Variants in CHST9 observed in about 807,000 individuals in gnomAD.
The protein encoded by CHST9 is carbohydrate sulfotransferase 9.
Under a neutral mutation model 44.4 loss-of-function variants are expected in CHST9, and 41 were observed. The observed-to-expected ratio is 0.92, with a 90% CI of 0.72 to 1.20. The LOEUF is 1.20. Ranked by LOEUF, CHST9 falls within the 50% of genes most tolerant of loss-of-function variation. CHST9 has a pLI of 0.00. For synonymous variants in CHST9, 171 were observed against 178.4 expected, an observed-to-expected ratio of 0.96 and a Z score of 0.33; for missense variants, 504 against 516.5, an observed-to-expected ratio of 0.98 and a Z score of 0.23.
In CHST9 at chr18:26,906,506, A is replaced by G. The variant is rs1158285868; in HGVS notation, c.*9753T>C. The stretch of plus-strand genomic sequence containing the variant: ...TGAGATAAATCAATGGTTTTATTTT[A>G]TTGAGCACTTATTAAATACTTTACA... On this transcript the variant is annotated 3_prime_UTR_variant, in exon 6 of 6. Coordinates refer to ENST00000618847, the MANE Select transcript of CHST9 (RefSeq NM_031422.6). The G allele has an allele frequency of 1.3e-5, 2 of 152,230 alleles. No individual in the cohort carries two copies. The highest frequency in any genetic ancestry group is 2.9e-5 in the Non-Finnish European group (2 of 68,030). The allele number at this position is 152,230 out of a possible 1,614,324, so 9.4% of individuals were successfully genotyped here.
intron 2 of CHST9, among the ~76,000 whole-genome samples, chr18:27,054,829 T>C (rs73404807): frequency 0.061 from 9,300 of 152,172 alleles, 423 homozygotes; most frequent in African/African-American, 0.13. Context: ...TGCGTGCACA[T>C]GCACACACAT....
At chr18:27,037,592 C>T (rs2057402967) in intron 3 of CHST9, among the ~76,000 whole-genome samples, 1 of 152,166 alleles carries the variant, frequency 6.6e-6, no homozygotes, top group South Asian at 2.1e-4. Context: ...ACTCAGGAGG[C>T]TGAGGCAGGA....
At chr18:26,962,539 C>T (rs1170460758) in intron 4 of CHST9, among the ~76,000 whole-genome samples, 1 of 152,198 alleles carries the variant, frequency 6.6e-6, no homozygotes, top group South Asian at 2.1e-4. Context: ...GATCCACCCA[C>T]CTCAGCTTCC....
At chr18:27,098,276 T>C (rs750657174) in intron 2 of CHST9, among the ~76,000 whole-genome samples, 2 of 151,916 alleles carry the variant, frequency 1.3e-5, no homozygotes, top group Non-Finnish European at 2.9e-5. Context: ...TCACGTCACT[T>C]AGAATGACAA....
At chr18:26,941,562 A>T (rs1017589650) in intron 5 of CHST9, among the ~76,000 whole-genome samples, 2 of 152,030 alleles carry the variant, frequency 1.3e-5, no homozygotes, top group Non-Finnish European at 2.9e-5. Context: ...GAAAACCTAT[A>T]GAAGATTTCA....
chr18:26,938,533 G>A lies in CHST9; in HGVS notation c.240+5796C>T, dbSNP rs765590458. On this transcript the variant is annotated intron_variant, in intron 5 of 5. Coordinates refer to ENST00000618847, the MANE Select transcript of CHST9 (RefSeq NM_031422.6). ...AAGTCAAAATTGTCTCCTTGAGTGCGTGGCCATTTTGATAAGAATAGTGCA... is the reference window on the plus strand; with the variant it reads ...AAGTCAAAATTGTCTCCTTGAGTGCATGGCCATTTTGATAAGAATAGTGCA... Among the ~76,000 whole-genome samples, 11 of 152,142 alleles carry A rather than the reference G, an allele frequency of 7.2e-5. No homozygotes were observed. In the East Asian group the frequency reaches 1.2e-3, roughly 16 times the overall value.
chr18:26,994,722 G>C (rs2056864962), intron 4 of CHST9, among the ~76,000 whole-genome samples: 1 of 151,922 alleles, frequency 6.6e-6, no homozygotes, highest in African/African-American at 2.4e-5. Context: ...CTGAGTACCT[G>C]GGATTACAGG....
At chr18:26,992,591 C>T (rs1232561598) in intron 4 of CHST9, among the ~76,000 whole-genome samples, 1 of 151,698 alleles carries the variant, frequency 6.6e-6, no homozygotes, top group Non-Finnish European at 1.5e-5. Context: ...AGGGACAGAA[C>T]TGAAGTTATG....
intron 2 of CHST9, among the ~76,000 whole-genome samples, chr18:27,062,725 G>A (rs577108704): frequency 9.2e-5 from 14 of 152,238 alleles, no homozygotes; most frequent in African/African-American, 3.1e-4. Context: ...AGATCCTTGA[G>A]GAATCGCCAC....
At chr18:27,025,232 T>C (rs2057272805) in intron 3 of CHST9, among the ~76,000 whole-genome samples, 1 of 150,020 alleles carries the variant, frequency 6.7e-6, no homozygotes, top group Non-Finnish European at 1.5e-5. Context: ...ATATAGGTAA[T>C]GTTTTGCTCT....
At position 26,995,577 on chromosome 18, in the gene CHST9, A is replaced by G. The variant is rs182591347; in HGVS notation, c.202+28539T>C. On this transcript the variant is annotated intron_variant, in intron 4 of 5. Coordinates refer to ENST00000618847, the MANE Select transcript of CHST9 (RefSeq NM_031422.6). ...TGCTGTTTTCAGCTGCTAAATGTTG[A>G]CATAATTTGTTATGCAGCAGTTGAT... Among the ~76,000 whole-genome samples the G allele has an allele frequency of 7.4e-4, 113 of 152,338 alleles. 1 individual carries two copies. Among genetic ancestry groups the G allele is most frequent in the African/African-American group, 2.5e-3 (102 of 41,576 alleles).
At chr18:27,050,556 C>A (rs2057554183) in intron 2 of CHST9, among the ~76,000 whole-genome samples, 2 of 152,186 alleles carry the variant, frequency 1.3e-5, no homozygotes, top group Non-Finnish European at 2.9e-5. Flanking sequence ...AATGTACAAT[C>A]TTCCCTTATG....
intron 1 of CHST9, among the ~76,000 whole-genome samples, chr18:27,148,182 A>G (rs564580392): frequency 5.3e-5 from 8 of 152,258 alleles, no homozygotes; most frequent in African/African-American, 1.9e-4. Flanking sequence ...ACGTTTCCAC[A>G]AAGGACATGA....
chr18:27,158,297 T>G (rs2058714565), intron 1 of CHST9, among the ~76,000 whole-genome samples: 1 of 150,908 alleles, frequency 6.6e-6, no homozygotes, highest in Admixed American at 6.6e-5. Flanking sequence ...ATGTTCCCCT[T>G]CCTGTGTCCA....
chr18:27,069,668 A>C (rs2057818324), intron 2 of CHST9, among the ~76,000 whole-genome samples: 1 of 152,240 alleles, frequency 6.6e-6, no homozygotes, highest in Non-Finnish European at 1.5e-5. Context: ...GGCTATATGC[A>C]CTATAACTCC....
chr18:26,949,373 C>G (rs2056211724), intron 4 of CHST9, among the ~76,000 whole-genome samples: 1 of 149,308 alleles, frequency 6.7e-6, no homozygotes. Flanking sequence ...ACAGCAAGAC[C>G]TCATCTCTAC....
At chr18:27,049,216 G>C (rs2057538032) in intron 2 of CHST9, among the ~76,000 whole-genome samples, 1 of 152,124 alleles carries the variant, frequency 6.6e-6, no homozygotes, top group Non-Finnish European at 1.5e-5. Flanking sequence ...GGAAGTAGTG[G>C]ATGCAAGAGA....
At position 27,024,223 on chromosome 18, in the gene CHST9, T is replaced by C. The variant is rs373986593; in HGVS notation, c.161-66A>G. 1.1e-4 allele frequency: 140 copies of C among 1,312,618 alleles called. No homozygotes were observed. The African/African-American group carries it at 1.8e-3, about 17-fold the overall frequency. The allele number at this position is 1,312,618 out of a possible 1,614,324, so 81.3% of individuals were successfully genotyped here. A position where few individuals can be genotyped will look rare whatever the true frequency, so the allele number is the denominator to read the frequency against. On this transcript the variant is annotated intron_variant, in intron 3 of 5. Transcript: ENST00000618847. ...ATCCAAAGACATTTATAAAACTTTCTACACAAAGATGCCTCAAAGCCTCTC... is the reference window on the plus strand; with the variant it reads ...ATCCAAAGACATTTATAAAACTTTCCACACAAAGATGCCTCAAAGCCTCTC...
chr18:26,958,045 C>G (rs934493668), intron 4 of CHST9, among the ~76,000 whole-genome samples: 1 of 151,594 alleles, frequency 6.6e-6, no homozygotes, highest in Admixed American at 6.6e-5. Context: ...CACCACCACA[C>G]CTGGCTAATT....
Sources: gnomAD v4.1 joint callset for allele counts (sites outside exome capture counted in the v4.1 genomes callset) on GRCh38, gnomAD v4.1.1 for gene constraint, MANE v1.5 for transcripts, NCBI Gene and HGNC (gene_info 2026-07-23, HGNC 2026-07-21) for gene names.